The following KAZN variants were observed in gnomAD, a reference collection of about 807,000 sequenced individuals.
The protein encoded by KAZN is kazrin, periplakin interacting protein.
Under a neutral mutation model 87.4 loss-of-function variants are expected in KAZN, and 40 were observed. The observed-to-expected ratio is 0.46, with a 90% CI of 0.36 to 0.60. The LOEUF (loss-of-function observed/expected upper bound fraction) is 0.60. Ranked by LOEUF, KAZN falls within the 20% of genes least tolerant of loss-of-function variation. The pLI is 0.00. For synonymous variants in KAZN, 466 were observed against 458.3 expected (o/e 1.02, Z -0.22); for missense variants, 898 against 1,073.9 (o/e 0.84, Z 2.29).
intron 1 of KAZN, among the ~76,000 whole-genome samples, chr1:14,825,255 G>C (rs945662862): frequency 6.6e-6 from 1 of 152,222 alleles, no homozygotes; most frequent in Non-Finnish European, 1.5e-5. Flanking sequence ...GAGATCCTAT[G>C]ACTCCTTTCT....
chr1:14,793,278 G>A (rs74059365), intron 1 of KAZN, among the ~76,000 whole-genome samples: 10,319 of 152,152 alleles, frequency 0.068, 394 homozygotes, highest in Middle Eastern at 0.1. Context: ...ACCAAGGAAA[G>A]AGAGGATTGA....
chr1:14,483,648 GT>G (rs915984490), intron 2 of KAZN, among the ~76,000 whole-genome samples: 31 of 152,148 alleles, frequency 2.0e-4, no homozygotes, highest in African/African-American at 7.2e-4. Context: ...TACATTTTAG[GT>G]ATGTATAGGT....
chr1:14,722,685 T>C (rs748130716), intron 1 of KAZN, among the ~76,000 whole-genome samples: 3 of 152,158 alleles, frequency 2.0e-5, no homozygotes, highest in Non-Finnish European at 4.4e-5. Context: ...TGCAGGGAAG[T>C]CAGCAGCCCA....
intron 2 of KAZN, among the ~76,000 whole-genome samples, chr1:14,368,077 G>A (rs1211452142): frequency 6.6e-6 from 1 of 152,180 alleles, no homozygotes; most frequent in Non-Finnish European, 1.5e-5. Flanking sequence ...CAGGTCTACT[G>A]TGAAGATCTG....
At chr1:13,942,408 C>T (rs1234284918) in intron 1 of KAZN, among the ~76,000 whole-genome samples, 4 of 147,574 alleles carry the variant, frequency 2.7e-5, no homozygotes, top group African/African-American at 1.0e-4. Context: ...GGCGTGGTGG[C>T]GGGCGCCTGT....
intron 1 of KAZN, among the ~76,000 whole-genome samples, chr1:14,905,870 A>G (rs1221684971): frequency 1.6e-5 from 2 of 128,906 alleles, no homozygotes; most frequent in Non-Finnish European, 3.2e-5. Flanking sequence ...TAATAATAAT[A>G]ATAATGATAC....
chr1:15,113,533 CAG>C (rs1641731944), intron 14 of KAZN: 2 of 152,328 alleles, frequency 1.3e-5, no homozygotes, highest in South Asian at 4.1e-4. Context: ...TACTTTAACA[CAG>C]AGATGTGTGC....
rs147827554 is a variant in KAZN at position 13,982,539 on chromosome 1, G to T, written c.91+88783G>T. ...ACAAAGCTTCCACAGCATGGAAAGCGACCCGAGGTGGTTGCCACTGCTGGC... is the reference window on the plus strand; with the variant it reads ...ACAAAGCTTCCACAGCATGGAAAGCTACCCGAGGTGGTTGCCACTGCTGGC... On this transcript the variant is annotated intron_variant, in intron 1 of 16. Transcript: ENST00000636203. Among the ~76,000 whole-genome samples, 1,153 of 152,286 alleles carry T rather than the reference G, an allele frequency of 7.6e-3. 7 individuals carry two copies. Among genetic ancestry groups the T allele is most frequent in the Non-Finnish European group, 0.012 (820 of 68,022 alleles).
chr1:14,946,742 T>C (rs74059683), intron 1 of KAZN, among the ~76,000 whole-genome samples: 6,312 of 152,238 alleles, frequency 0.041, 424 homozygotes, highest in African/African-American at 0.14. Flanking sequence ...TCAGCATGCC[T>C]TACTCATTTT....
At chr1:14,198,881 C>T (rs558426804) in intron 2 of KAZN, among the ~76,000 whole-genome samples, 2 of 152,210 alleles carry the variant, frequency 1.3e-5, no homozygotes, top group East Asian at 3.9e-4. Context: ...TACTGGAGGT[C>T]ACCCAGCCAG....
At chr1:14,473,397 G>A (rs1282116375) in intron 2 of KAZN, among the ~76,000 whole-genome samples, 2 of 152,284 alleles carry the variant, frequency 1.3e-5, no homozygotes, top group South Asian at 2.1e-4. Context: ...GGGAGGCCGA[G>A]GTGGACAGAT....
chr1:15,026,723 G>GAAA (rs35459848), intron 2 of KAZN, among the ~76,000 whole-genome samples: 1 of 150,132 alleles, frequency 6.7e-6, no homozygotes, highest in Non-Finnish European at 1.5e-5. Context: ...AAATAATTTG[G>GAAA]AAAAAAAAAA....
intron 2 of KAZN, among the ~76,000 whole-genome samples, chr1:14,977,302 T>A (rs1190977654): frequency 6.6e-6 from 1 of 152,054 alleles, no homozygotes; most frequent in African/African-American, 2.4e-5. Context: ...GTAGGGACAA[T>A]TTGCTGGCCA....
At chr1:14,703,579 C>T (rs143283086) in intron 1 of KAZN, among the ~76,000 whole-genome samples, 2,945 of 152,302 alleles carry the variant, frequency 0.019, 54 homozygotes, top group Non-Finnish European at 0.03. Flanking sequence ...ATAAATTACC[C>T]AGTCTCAGGT....
chr1:14,976,192 A>G (rs543603564), intron 2 of KAZN, among the ~76,000 whole-genome samples: 2 of 152,226 alleles, frequency 1.3e-5, no homozygotes, highest in East Asian at 3.9e-4. Context: ...ATTTGAGACA[A>G]GGTCTCATTC....
chr1:14,616,710 G>A (rs1228426710), intron 1 of KAZN, among the ~76,000 whole-genome samples: 1 of 152,144 alleles, frequency 6.6e-6, no homozygotes, highest in Non-Finnish European at 1.5e-5. Flanking sequence ...TTCTCCCTAG[G>A]GTTTCTTGGA....
intron 2 of KAZN, among the ~76,000 whole-genome samples, chr1:14,254,736 C>T (rs1457968582): frequency 6.6e-6 from 1 of 151,928 alleles, no homozygotes; most frequent in Admixed American, 6.6e-5. Context: ...GTTTAATTGG[C>T]TTACGTTTCT....
chr1:14,584,619 C>A (rs1057282073), intron 2 of KAZN, among the ~76,000 whole-genome samples: 1 of 151,660 alleles, frequency 6.6e-6, no homozygotes, highest in Non-Finnish European at 1.5e-5. Flanking sequence ...ACCCCCAGTA[C>A]CTCAGTGTGC....
intron 1 of KAZN, among the ~76,000 whole-genome samples, chr1:13,897,470 C>G (rs1366588262): frequency 6.6e-6 from 1 of 152,140 alleles, no homozygotes; most frequent in East Asian, 1.9e-4. Context: ...ACACACGAGG[C>G]CACACTCTCA....
Sources: allele counts gnomAD v4.1 joint callset (sites outside exome capture counted in the v4.1 genomes callset), GRCh38; gene constraint gnomAD v4.1.1; transcripts MANE v1.5; gene names NCBI Gene and HGNC (gene_info 2026-07-23, HGNC 2026-07-21).